Variants in TMEM168 observed in about 807,000 individuals in gnomAD.
TMEM168 encodes the protein transmembrane protein 168.
A neutral mutation model predicts 53.2 loss-of-function variants in TMEM168; 40 were observed. The observed-to-expected ratio is 0.75, with a 90% confidence interval of 0.58 to 0.98. TMEM168 has a LOEUF of 0.98. Among genes scored for constraint, TMEM168 ranks in the 50% least tolerant of loss-of-function variants. The pLI, the probability that TMEM168 is intolerant of heterozygous loss-of-function variation, is 0.00. For missense variants in TMEM168, 771 were observed against 828.8 expected (o/e 0.93, Z 0.86); for synonymous variants, 282 against 293.0 (o/e 0.96, Z 0.38).
At chr7:112,771,852 T>C (rs1792937647) in intron 4 of TMEM168, among the ~76,000 whole-genome samples, 1 of 150,946 alleles carries the variant, frequency 6.6e-6, no homozygotes, top group Non-Finnish European at 1.5e-5. Context: ...TCTACACTTT[T>C]ATGGAAAAAA....
intron 4 of TMEM168, among the ~76,000 whole-genome samples, chr7:112,770,608 A>G (rs75552477): frequency 4.7e-5 from 7 of 149,440 alleles, no homozygotes; most frequent in South Asian, 2.2e-4. Context: ...AGATATATAT[A>G]TGTGTGTGTG....
chr7:112,779,449 A>T (rs1027757083), intron 2 of TMEM168, among the ~76,000 whole-genome samples: 1 of 152,124 alleles, frequency 6.6e-6, no homozygotes, highest in Non-Finnish European at 1.5e-5. Context: ...TGGCCTGCAA[A>T]CCTTTATTCT....
At chr7:112,788,777 T>C (rs557908810) in intron 1 of TMEM168, among the ~76,000 whole-genome samples, 1 of 152,364 alleles carries the variant, frequency 6.6e-6, no homozygotes, top group Non-Finnish European at 1.5e-5. Context: ...CACCAAGTCC[T>C]GTCTACTATT....
At chr7:112,783,578 A>G (rs2116294653) in intron 2 of TMEM168, 120 bp downstream of exon 2, 1 of 1,048,910 alleles carries the variant, frequency 9.5e-7, no homozygotes, top group South Asian at 2.9e-5. Flanking sequence ...GAACAAAATT[A>G]AGAGCAAACA....
intron 4 of TMEM168, among the ~76,000 whole-genome samples, chr7:112,771,984 T>C (rs568233379): frequency 1.4e-4 from 22 of 152,246 alleles, no homozygotes; most frequent in South Asian, 6.2e-4. Context: ...CTACTATGTA[T>C]TGGGCTCTGT....
chr7:112,769,489 T>G (rs963551245), intron 4 of TMEM168, among the ~76,000 whole-genome samples: 3 of 152,188 alleles, frequency 2.0e-5, no homozygotes, highest in African/African-American at 7.2e-5. Flanking sequence ...CATCCACAAC[T>G]ATTTCAATAA....
chr7:112,785,757 T>A (rs965397960), intron 1 of TMEM168, among the ~76,000 whole-genome samples: 3 of 152,164 alleles, frequency 2.0e-5, no homozygotes, highest in Non-Finnish European at 2.9e-5. Context: ...ACCCACGAAA[T>A]TAAAGCTTCC....
chr7:112,775,330 C>T lies in TMEM168; in HGVS notation c.1129-12G>A. ...ATTCCATTTGTTGGCTAAAAGAAATCCAAAACATGTTTACATAGTACATGT... is the reference window on the plus strand; with the variant it reads ...ATTCCATTTGTTGGCTAAAAGAAATTCAAAACATGTTTACATAGTACATGT... On this transcript the variant is annotated splice_polypyrimidine_tract_variant and intron_variant, in intron 2 of 4. Coordinates refer to ENST00000312814, the MANE Select transcript of TMEM168 (RefSeq NM_022484.6). The T allele has an allele frequency of 6.2e-7, 1 of 1,610,840 alleles. No homozygotes were observed. The highest frequency in any genetic ancestry group is 1.1e-5 in the South Asian group (1 of 90,534).
chr7:112,774,359 ATTTTTTTTTTTTTTT>A (rs558123531), intron 3 of TMEM168, among the ~76,000 whole-genome samples: 1 of 94,254 alleles, frequency 1.1e-5, no homozygotes, highest in Non-Finnish European at 2.2e-5. Flanking sequence ...GTGTTTTTAC[ATTTTTTTTTTTTTTT>A]TTTTTTTTTT....
At position 112,765,068 on chromosome 7, in the gene TMEM168, G is replaced by A. The variant is rs892110694; in HGVS notation, c.*2129C>T. The A allele has an allele frequency of 6.6e-6, 1 of 152,114 alleles. No homozygotes were observed. The highest frequency in any genetic ancestry group is 1.5e-5 in the Non-Finnish European group (1 of 68,054). The allele number at this position is 152,114 out of a possible 1,614,324, so 9.4% of individuals were successfully genotyped here. A position where few individuals can be genotyped will look rare whatever the true frequency, so the allele number is the denominator to read the frequency against. ...TGGCCTCAAGTGATCCACCCACCTA[G>A]GCCTCCCAAAGTGCTGGGATTACAG... is the stretch of plus-strand genomic sequence containing the variant. On this transcript the variant is annotated 3_prime_UTR_variant, in exon 5 of 5. Transcript: ENST00000312814.
chr7:112,770,395 A>C (rs1792899123), intron 4 of TMEM168, among the ~76,000 whole-genome samples: 2 of 152,196 alleles, frequency 1.3e-5, no homozygotes, highest in South Asian at 4.1e-4. Flanking sequence ...AATAAGCCTC[A>C]AAGTTACACA....
chr7:112,787,708 C>T (rs1258163845), intron 1 of TMEM168, among the ~76,000 whole-genome samples: 1 of 118,968 alleles, frequency 8.4e-6, no homozygotes, highest in Non-Finnish European at 1.7e-5. Flanking sequence ...GCCACTGCGA[C>T]TGGCATTTTT....
chr7:112,783,692 G>A lies in TMEM168; in HGVS notation c.1128+6C>T, dbSNP rs1329425895. 1.4e-6 allele frequency: 2 copies of A among 1,481,208 alleles called. No individual in the cohort carries two copies. Among genetic ancestry groups the A allele is most frequent in the Non-Finnish European group, 1.8e-6 (2 of 1,117,510 alleles). 91.8% of individuals were successfully genotyped at this position (1,481,208 alleles called of 1,614,324 possible). ...ATTGGGGTTGCTGGACAAACAATAAGCTTACCTGCCAGGAAACTGCTCCCA... is the reference window on the plus strand; with the variant it reads ...ATTGGGGTTGCTGGACAAACAATAAACTTACCTGCCAGGAAACTGCTCCCA... On this transcript the variant is annotated splice_donor_region_variant and intron_variant, in intron 2 of 4. Coordinates refer to ENST00000312814, the MANE Select transcript of TMEM168 (RefSeq NM_022484.6).
chr7:112,771,103 A>AT (rs1254213484), intron 4 of TMEM168, among the ~76,000 whole-genome samples: 1 of 152,230 alleles, frequency 6.6e-6, no homozygotes, highest in Non-Finnish European at 1.5e-5. Context: ...CTACGTTGTA[A>AT]TTAAAAAGTT....
In TMEM168 at chr7:112,772,851, T is replaced by G. The variant is rs377557057; in HGVS notation, c.1476A>C (p.Gly492=). 4.3e-6 allele frequency: 7 copies of G among 1,613,958 alleles called. No individual in the cohort carries two copies. Among genetic ancestry groups the G allele is most frequent in the African/African-American group, 2.7e-5 (2 of 74,922 alleles). The change falls in exon 4 of 5, where the codon GGA becomes GGC. Residue 492 remains glycine, a synonymous_variant. Coordinates refer to ENST00000312814, the MANE Select transcript of TMEM168 (RefSeq NM_022484.6). ...ACAAAATATACGTATCATGTCTGGG[T>G]CCATCCACTGTCCGAAGTTCGAGGA... ...KAFLELRTVD[G]PRHDTYILYY... is the part of the protein sequence containing the mutation.
chr7:112,775,735 G>C (rs1485181667), intron 2 of TMEM168, among the ~76,000 whole-genome samples: 1 of 151,920 alleles, frequency 6.6e-6, no homozygotes, highest in Non-Finnish European at 1.5e-5. Flanking sequence ...TTATCAAAAA[G>C]AGTGCTTTAG....
Position 112,784,833 on chromosome 7 carries a change from G to A in TMEM168, c.-8C>T. The A allele has an allele frequency of 6.5e-7, 1 of 1,542,570 alleles. No homozygotes were observed. The highest frequency in any genetic ancestry group is 8.7e-7 in the Non-Finnish European group (1 of 1,151,416). ...ACGCAGTGATTTACACATGTAACCA[G>A]CAATGTGGGCTTTTCCCTCACGTTA... On this transcript the variant is annotated 5_prime_UTR_variant, in exon 2 of 5. Transcript: ENST00000312814.
chr7:112,777,375 T>C (rs961522033), intron 2 of TMEM168, among the ~76,000 whole-genome samples: 4 of 152,198 alleles, frequency 2.6e-5, no homozygotes, highest in Non-Finnish European at 5.9e-5. Flanking sequence ...CCACTCCACA[T>C]TACAGTGCCA....
intron 2 of TMEM168, 50 bp from the exon 3 acceptor site, chr7:112,775,368 A>G (rs372183439): frequency 3.9e-5 from 58 of 1,483,992 alleles, no homozygotes; most frequent in Non-Finnish European, 5.2e-5. Flanking sequence ...ATATGTGTAT[A>G]TATTTACATG....
Sources: allele counts gnomAD v4.1 joint callset (sites outside exome capture counted in the v4.1 genomes callset), GRCh38; gene constraint gnomAD v4.1.1; transcripts MANE v1.5; gene names NCBI Gene and HGNC (gene_info 2026-07-23, HGNC 2026-07-21).